The following KTN1 variants were observed in gnomAD, a reference collection of about 807,000 sequenced individuals.
The protein encoded by KTN1 is kinectin.
Under a neutral mutation model 222.5 loss-of-function variants are expected in KTN1, and 130 were observed. That is an observed-to-expected ratio of 0.58 (90% CI 0.51 to 0.68). The LOEUF (loss-of-function observed/expected upper bound fraction) is 0.68. KTN1 is among the 30% of genes least tolerant of loss of function. The probability of loss-of-function intolerance (pLI) is 0.00; values close to 1 mark genes in which losing one functional copy is unlikely to be tolerated. For missense variants in KTN1, 1,508 were observed against 1,500.4 expected (o/e 1.01, Z -0.08); for synonymous variants, 512 against 496.3 (o/e 1.03, Z -0.42).
chr14:55,581,168 A>C (rs888086332), intron 1 of KTN1, among the ~76,000 whole-genome samples: 1 of 152,234 alleles, frequency 6.6e-6, no homozygotes, highest in African/African-American at 2.4e-5. Context: ...GCTCTCAGCC[A>C]TACGTCTGGT....
intron 43 of KTN1, chr14:55,680,197 C>T (rs1269496865): frequency 6.3e-6 from 1 of 159,016 alleles, no homozygotes; most frequent in African/African-American, 2.4e-5. Flanking sequence ...GAAATTCGTT[C>T]ATTAGCTCCT....
At position 55,675,979 on chromosome 14, in the gene KTN1, A is replaced by G. The variant is rs879152280; in HGVS notation, c.3855+61A>G. On this transcript the variant is annotated intron_variant, in intron 41 of 43. Coordinates refer to ENST00000395314, the MANE Select transcript of KTN1 (RefSeq NM_001079521.2). Reference sequence around the variant, plus strand: ...AGCCTGTGTTGTGTGTTCAATCTTAAGCAAACTTATGCTGCTAATTCTGGA... The same window carrying G: ...AGCCTGTGTTGTGTGTTCAATCTTAGGCAAACTTATGCTGCTAATTCTGGA... The G allele has an allele frequency of 1.2e-5, 13 of 1,127,084 alleles. No homozygotes were observed. In the South Asian group the frequency reaches 1.8e-4, roughly 16 times the overall value. The allele number at this position is 1,127,084 out of a possible 1,614,324, so 69.8% of individuals were successfully genotyped here.
chr14:55,601,147 A>G (rs1485123251), intron 1 of KTN1, among the ~76,000 whole-genome samples: 2 of 152,238 alleles, frequency 1.3e-5, no homozygotes, highest in Non-Finnish European at 2.9e-5. Flanking sequence ...TACCTAATGG[A>G]GAAATTAAAT....
chr14:55,593,679 A>G (rs574197256), intron 1 of KTN1, among the ~76,000 whole-genome samples: 1 of 152,280 alleles, frequency 6.6e-6, no homozygotes, highest in South Asian at 2.1e-4. Context: ...AACGTGAACG[A>G]ACACTAGCTT....
intron 41 of KTN1, among the ~76,000 whole-genome samples, chr14:55,677,215 C>T (rs1015297775): frequency 6.6e-6 from 1 of 152,066 alleles, no homozygotes; most frequent in Admixed American, 6.5e-5. Context: ...GTGGCTCACG[C>T]CTGTAATCCC....
At chr14:55,626,799 G>C (rs956951121) in intron 5 of KTN1, among the ~76,000 whole-genome samples, 3 of 151,956 alleles carry the variant, frequency 2.0e-5, no homozygotes, top group Non-Finnish European at 2.9e-5. Flanking sequence ...TCTTTTGACT[G>C]CCTCACTGGC....
intron 11 of KTN1, among the ~76,000 whole-genome samples, 167 bp from the exon 12 acceptor site, chr14:55,637,612 A>G (rs1368158704): frequency 6.6e-6 from 1 of 151,528 alleles, no homozygotes; most frequent in Non-Finnish European, 1.5e-5. Context: ...TTATAAGCTA[A>G]CTCAGATTGT....
At chr14:55,585,841 A>G (rs1252466542) in intron 1 of KTN1, among the ~76,000 whole-genome samples, 3 of 152,214 alleles carry the variant, frequency 2.0e-5, no homozygotes, top group African/African-American at 4.8e-5. Context: ...CACTTTGAAT[A>G]GGTTCCATAG....
chr14:55,681,353 A>T (rs543339542), intron 43 of KTN1: 1 of 152,178 alleles, frequency 6.6e-6, no homozygotes, highest in African/African-American at 2.4e-5. Flanking sequence ...AAGATTGCCT[A>T]TTACCCCTTG....
chr14:55,660,137 T>TG (rs1386741666), intron 31 of KTN1, among the ~76,000 whole-genome samples: 1 of 152,108 alleles, frequency 6.6e-6, no homozygotes, highest in Non-Finnish European at 1.5e-5. Flanking sequence ...TCCCAGCAGC[T>TG]GGGGAGACTG....
intron 34 of KTN1, chr14:55,667,894 G>C (rs2044999763): frequency 6.7e-6 from 1 of 148,704 alleles, no homozygotes; most frequent in Admixed American, 6.8e-5. Flanking sequence ...TCCTAAAATA[G>C]AGTGTAGGGT....
chr14:55,607,539 A>G (rs1013398697), intron 1 of KTN1: 5 of 152,200 alleles, frequency 3.3e-5, no homozygotes, highest in Non-Finnish European at 7.3e-5. Context: ...TGTCCGAGTG[A>G]AAGATAAAAG....
chr14:55,650,521 A>T lies in KTN1; in HGVS notation c.2497-48A>T, dbSNP rs748582019. 4 of 1,542,652 alleles carry T rather than the reference A, an allele frequency of 2.6e-6. No individual in the cohort carries two copies. The Admixed American group carries it at 5.2e-5, about 20-fold the overall frequency. ...TGTCTGTGCATTGCATTTTATGTCA[A>T]TTTCTGTGTTTCCATTGTCCAATCT... On this transcript the variant is annotated intron_variant, in intron 23 of 43. Transcript: ENST00000395314.
At chr14:55,630,405 T>C (rs1445977515) in intron 7 of KTN1, among the ~76,000 whole-genome samples, 3 of 152,174 alleles carry the variant, frequency 2.0e-5, no homozygotes, top group Admixed American at 6.5e-5. Context: ...GTTAAATCTT[T>C]TAAATCAATT....
chr14:55,580,967 C>T (rs1418193527), intron 1 of KTN1, among the ~76,000 whole-genome samples: 2 of 152,248 alleles, frequency 1.3e-5, no homozygotes, highest in Non-Finnish European at 2.9e-5. Flanking sequence ...CGGTTGGGCA[C>T]GGAAAGCAGC....
intron 30 of KTN1, among the ~76,000 whole-genome samples, 192 bp from the exon 31 acceptor site, chr14:55,659,474 G>A (rs1353897368): frequency 6.6e-6 from 1 of 152,052 alleles, no homozygotes; most frequent in Admixed American, 6.6e-5. Flanking sequence ...ATTGGATTTA[G>A]CATTCCATAC....
At chr14:55,631,330 T>C (rs2040480114) in intron 7 of KTN1, among the ~76,000 whole-genome samples, 1 of 108,242 alleles carries the variant, frequency 9.2e-6, no homozygotes, top group South Asian at 3.2e-4. Flanking sequence ...AACTCACCTA[T>C]TGATAAGGTT....
At chr14:55,606,760 CA>C (rs1396405906) in intron 1 of KTN1, among the ~76,000 whole-genome samples, 1 of 151,980 alleles carries the variant, frequency 6.6e-6, no homozygotes, top group Non-Finnish European at 1.5e-5. Flanking sequence ...ATTATTGTTT[CA>C]ATGTGCAATT....
chr14:55,655,898 A>G, intron 28 of KTN1, 144 bp from the exon 29 acceptor site: 1 of 478,544 alleles, frequency 2.1e-6, no homozygotes, highest in Non-Finnish European at 3.7e-6. Flanking sequence ...ATCTTTTTAA[A>G]CAAACTTCTA....
Sources: allele counts gnomAD v4.1 joint callset (sites outside exome capture counted in the v4.1 genomes callset), GRCh38; gene constraint gnomAD v4.1.1; transcripts MANE v1.5; gene names NCBI Gene and HGNC (gene_info 2026-07-23, HGNC 2026-07-21).